The following PATJ variants were observed in gnomAD, a reference collection of about 807,000 sequenced individuals.
The protein encoded by PATJ is inaD-like protein.
Under a neutral mutation model 224.9 loss-of-function variants are expected in PATJ, and 190 were observed. The ratio of observed to expected loss-of-function variants is 0.84; its 90% CI spans 0.75 to 0.95. The LOEUF (loss-of-function observed/expected upper bound fraction) is 0.95, where lower values mean the gene tolerates loss of function less well. PATJ is among the 40% of genes least tolerant of loss of function. The pLI is 0.00. For synonymous variants in PATJ, 769 were observed against 820.3 expected (o/e 0.94, Z 1.07); for missense variants, 2,121 against 2,270.3 (o/e 0.93, Z 1.34).
rs1230946687 is a variant in PATJ, at chr1:62,162,842, G to A, written c.*1788G>A. ...GGCGCCTGTAATCCCAGCTACTCCG[G>A]AGGTTGAAGCAGGAAAATTGCTTGA... On this transcript the variant is annotated 3_prime_UTR_variant, in exon 44 of 44. Transcript: ENST00000642238. 3.8e-6 allele frequency: 1 copy of A among 265,648 alleles called. No individual in the cohort carries two copies. Among genetic ancestry groups the A allele is most frequent in the Non-Finnish European group, 7.5e-6 (1 of 132,934 alleles). 16.5% of individuals were successfully genotyped at this position (265,648 alleles called of 1,614,324 possible).
rs189207660 is a variant in PATJ, at chr1:62,013,182, A to G, written c.3868-4674A>G. ...TAACGATCTGCTTTCTTCATTTGGG[A>G]TCTCATTTTTCTCTCTCAGAATAAT... On this transcript the variant is annotated intron_variant, in intron 28 of 43. Transcript: ENST00000642238. 2.6e-3 allele frequency among the ~76,000 whole-genome samples: 392 copies of G among 152,314 alleles called. 3 individuals carry two copies. The highest frequency in any genetic ancestry group is 9.1e-3 in the African/African-American group (377 of 41,566).
intron 26 of PATJ, among the ~76,000 whole-genome samples, chr1:61,914,921 C>A (rs1192745283): frequency 6.6e-6 from 1 of 152,190 alleles, no homozygotes; most frequent in Admixed American, 6.5e-5. Flanking sequence ...CCTGTTCAGA[C>A]AGGCTGGTTG....
chr1:62,050,975 G>A lies in PATJ; in HGVS notation c.4042G>A (p.Gly1348Ser), dbSNP rs751005243. 7.4e-6 allele frequency: 12 copies of A among 1,613,322 alleles called. No homozygotes were observed. The highest frequency in any genetic ancestry group is 5.0e-5 in the Admixed American group (3 of 60,020). The change falls in exon 31 of 44, where the codon GGC becomes AGC. Residue 1348 changes from glycine to serine, a missense_variant. Gly to Ser is a moderately conservative substitution (Grantham distance 56). Transcript: ENST00000642238. Reference sequence around the variant, plus strand: ...TTTTAACGTTCCATAGGATCAGAGCGGCACCGAACCTATTAGTAGTGAGGA... The same window carrying A: ...TTTTAACGTTCCATAGGATCAGAGCAGCACCGAACCTATTAGTAGTGAGGA... Reference protein sequence around the residue: ...SSPSSIEDQSGTEPISSEEDG... With the variant: ...SSPSSIEDQSSTEPISSEEDG...
At chr1:61,913,422 G>A (rs1672984832) in intron 25 of PATJ, among the ~76,000 whole-genome samples, 1 of 152,066 alleles carries the variant, frequency 6.6e-6, no homozygotes, top group Non-Finnish European at 1.5e-5. Context: ...TGTCCAGGCT[G>A]GTCTCAAACT....
Position 61,762,993 on chromosome 1 carries a change from C to T in PATJ, c.23-20C>T, listed in dbSNP as rs753843904. The T allele has an allele frequency of 1.9e-6, 3 of 1,595,466 alleles. No individual in the cohort carries two copies. Among genetic ancestry groups the T allele is most frequent in the Middle Eastern group, 1.8e-4 (1 of 5,686 alleles). On this transcript the variant is annotated intron_variant, in intron 2 of 43. Transcript: ENST00000642238. ...CAAATGGGACTTAACTATTACTCTA[C>T]TTATTCATCTTGACCCAAGATAAAC...
At chr1:61,822,429 G>GAAAAAAAAAA (rs11427840) in intron 14 of PATJ, among the ~76,000 whole-genome samples, 1 of 116,638 alleles carries the variant, frequency 8.6e-6, no homozygotes, top group South Asian at 3.0e-4. Flanking sequence ...GACTGTGTCA[G>GAAAAAAAAAA]AAAAAAAAAA....
chr1:62,131,193 C>T (rs1666222875), intron 41 of PATJ, among the ~76,000 whole-genome samples: 1 of 152,186 alleles, frequency 6.6e-6, no homozygotes, highest in South Asian at 2.1e-4. Flanking sequence ...TCCTCACTTT[C>T]AGTGGAAACC....
chr1:61,933,187 G>A (rs1468961270), intron 27 of PATJ, among the ~76,000 whole-genome samples: 1 of 152,130 alleles, frequency 6.6e-6, no homozygotes, highest in Non-Finnish European at 1.5e-5. Context: ...ATCAAAGGTT[G>A]CAGGATTTGT....
chr1:61,902,836 A>G (rs1054075640), intron 24 of PATJ, among the ~76,000 whole-genome samples: 5 of 152,138 alleles, frequency 3.3e-5, no homozygotes, highest in Non-Finnish European at 7.4e-5. Flanking sequence ...GGTGAAAGCA[A>G]TAGTTGCAAT....
chr1:62,015,699 ATTTTTGT>A (rs2148364940), intron 28 of PATJ, among the ~76,000 whole-genome samples: 1 of 151,706 alleles, frequency 6.6e-6, no homozygotes, highest in East Asian at 1.9e-4. Context: ...CATCCAGCTA[ATTTTTGT>A]TTTTTGTTTT....
intron 21 of PATJ, among the ~76,000 whole-genome samples, chr1:61,877,372 T>C (rs1029716211): frequency 6.6e-6 from 1 of 151,978 alleles, no homozygotes; most frequent in Non-Finnish European, 1.5e-5. Flanking sequence ...TGTAGACCTT[T>C]AGAAAATTTC....
intron 17 of PATJ, among the ~76,000 whole-genome samples, chr1:61,842,392 C>T (rs116039523): frequency 1.1e-3 from 169 of 152,162 alleles, no homozygotes; most frequent in Middle Eastern, 3.4e-3. Context: ...CTAGTGGGGG[C>T]GAAAGAGAAT....
At chr1:62,134,599 C>T (rs879326712) in intron 41 of PATJ, among the ~76,000 whole-genome samples, 3 of 152,230 alleles carry the variant, frequency 2.0e-5, no homozygotes, top group Non-Finnish European at 2.9e-5. Context: ...CCCGCCTCAG[C>T]CTCCCAAAGT....
chr1:61,979,821 G>A (rs1275269917), intron 27 of PATJ, among the ~76,000 whole-genome samples: 4 of 151,928 alleles, frequency 2.6e-5, no homozygotes, highest in Admixed American at 6.6e-5. Flanking sequence ...TTGGACAAAC[G>A]AGGCATGATC....
chr1:61,905,645 T>C (rs1321469807), intron 24 of PATJ, among the ~76,000 whole-genome samples: 1 of 152,242 alleles, frequency 6.6e-6, no homozygotes, highest in East Asian at 1.9e-4. Flanking sequence ...ATGGTAATTG[T>C]ACTTTTGGTT....
intron 24 of PATJ, among the ~76,000 whole-genome samples, chr1:61,902,080 G>A (rs377165857): frequency 6.6e-6 from 1 of 152,068 alleles, no homozygotes; most frequent in East Asian, 1.9e-4. Context: ...AATCAGCCGG[G>A]CGTAGTGGCA....
intron 6 of PATJ, among the ~76,000 whole-genome samples, chr1:61,771,984 A>G (rs1646640516): frequency 6.6e-6 from 1 of 151,982 alleles, no homozygotes; most frequent in African/African-American, 2.4e-5. Context: ...GGCCTCTCAA[A>G]GTGCTAGGAT....
intron 30 of PATJ, among the ~76,000 whole-genome samples, chr1:62,041,117 AC>A (rs1444462293): frequency 6.6e-6 from 1 of 152,160 alleles, no homozygotes; most frequent in African/African-American, 2.4e-5. Context: ...AAGGCAAACA[AC>A]TGGCAGATAA....
At chr1:61,795,799 A>G (rs566331420) in intron 10 of PATJ, among the ~76,000 whole-genome samples, 1 of 152,208 alleles carries the variant, frequency 6.6e-6, no homozygotes, top group South Asian at 2.1e-4. Flanking sequence ...TTTTTTCTAT[A>G]CATGTATGTT....
Sources: allele counts gnomAD v4.1 joint callset (sites outside exome capture counted in the v4.1 genomes callset), GRCh38; gene constraint gnomAD v4.1.1; transcripts MANE v1.5; gene names NCBI Gene and HGNC (gene_info 2026-07-23, HGNC 2026-07-21).